Variants in ZNF469 observed in about 807,000 individuals in gnomAD.
ZNF469 encodes the protein zinc finger protein 469.
In ZNF469, 1 loss-of-function variant was observed where a neutral mutation model predicts 1.0. The ratio of observed to expected loss-of-function variants is 1.00; its 90% CI spans 0.35 to 4.73. The LOEUF (loss-of-function observed/expected upper bound fraction) is 4.73, where lower values mean the gene tolerates loss of function less well. ZNF469 is among the 30% of genes most tolerant of loss of function. The probability of loss-of-function intolerance (pLI) is 0.16; values close to 1 mark genes in which losing one functional copy is unlikely to be tolerated. For synonymous variants in ZNF469, 2,703 were observed against 2,363.4 expected, an observed-to-expected ratio of 1.14 and a Z score of -4.17; for missense variants, 6,100 against 5,356.3, an observed-to-expected ratio of 1.14 and a Z score of -4.33.
At chr16:88,353,260 G>A in the ZNF469 span, among the ~76,000 whole-genome samples, 43 of 152,078 alleles carry the variant, frequency 2.8e-4, 1 homozygote, top group Admixed American at 2.0e-3. Flanking sequence ...CCAATAATGC[G>A]GCTGGAGGGA....
chr16:88,435,924 C>G lies in ZNF469; in HGVS notation c.8454C>G (p.Leu2818=), dbSNP rs1312766848. 5.8e-6 allele frequency: 9 copies of G among 1,549,972 alleles called. No homozygotes were observed. The highest frequency in any genetic ancestry group is 2.0e-5 in the Admixed American group (1 of 50,994). The change falls in exon 3 of 3, where the codon CTC becomes CTG. Residue 2818 remains leucine (L), a synonymous_variant. Coordinates refer to ENST00000565624, the MANE Select transcript of ZNF469 (RefSeq NM_001367624.2). ...CGGACAGCACCACCAGCAGCTGCCT[C>G]CAGGGCCTCCCGGACAACCCAGACA... ...SPADSTTSSC[L]QGLPDNPDTQ...
upstream of ZNF469, among the ~76,000 whole-genome samples, chr16:88,382,002 G>A (rs1252457878): frequency 1.3e-5 from 2 of 152,244 alleles, no homozygotes; most frequent in East Asian, 1.9e-4. Flanking sequence ...ACCTGCTCCC[G>A]GGGGACCTTT....
chr16:88,263,400 G>C, the ZNF469 span, among the ~76,000 whole-genome samples: 1 of 152,214 alleles, frequency 6.6e-6, no homozygotes, highest in Admixed American at 6.5e-5. Context: ...CCCGCTCCCT[G>C]TGTCTGCCCA....
chr16:88,215,637 A>G, the ZNF469 span, among the ~76,000 whole-genome samples: 1 of 151,294 alleles, frequency 6.6e-6, no homozygotes, highest in Non-Finnish European at 1.5e-5. Flanking sequence ...TGATCTGCCC[A>G]CCTCGGCCTC....
At chr16:88,252,584 T>C in the ZNF469 span, among the ~76,000 whole-genome samples, 87 of 152,256 alleles carry the variant, frequency 5.7e-4, no homozygotes, top group African/African-American at 2.1e-3. Flanking sequence ...GCGGGAAGGT[T>C]CACATAACCA....
chr16:88,111,784 C>A, the ZNF469 span, among the ~76,000 whole-genome samples: 1 of 152,062 alleles, frequency 6.6e-6, no homozygotes, highest in Non-Finnish European at 1.5e-5. Flanking sequence ...CTACAGGTGC[C>A]CACCATCACA....
At chr16:88,395,470 G>T (rs1216130477) in intron 1 of ZNF469, among the ~76,000 whole-genome samples, 4 of 152,012 alleles carry the variant, frequency 2.6e-5, no homozygotes, top group Non-Finnish European at 5.9e-5. Context: ...TACACGTATT[G>T]TATAAATAAT....
intron 1 of ZNF469, among the ~76,000 whole-genome samples, chr16:88,405,283 G>A (rs1435134838): frequency 7.1e-6 from 1 of 140,458 alleles, no homozygotes; most frequent in Admixed American, 6.8e-5. Flanking sequence ...GCTGGCACAC[G>A]GGTAGCCCCT....
chr16:88,164,981 G>GCC, the ZNF469 span, among the ~76,000 whole-genome samples: 1 of 152,354 alleles, frequency 6.6e-6, no homozygotes, highest in East Asian at 1.9e-4. Flanking sequence ...GGAAGGCAGG[G>GCC]CCATCGTGGG....
the ZNF469 span, among the ~76,000 whole-genome samples, chr16:88,291,325 T>G: frequency 0.57 from 87,348 of 151,984 alleles, 26,130 homozygotes; most frequent in East Asian, 0.78. Context: ...CTACACACAC[T>G]TGTTTGATGC....
At chr16:88,325,346 T>C in the ZNF469 span, among the ~76,000 whole-genome samples, 1 of 152,166 alleles carries the variant, frequency 6.6e-6, no homozygotes, top group East Asian at 1.9e-4. Context: ...GACTGCACAA[T>C]TGGTGGCCAG....
the ZNF469 span, among the ~76,000 whole-genome samples, chr16:88,301,822 C>T: frequency 6.6e-6 from 1 of 152,076 alleles, no homozygotes; most frequent in African/African-American, 2.4e-5. Context: ...CCTGAGCCCC[C>T]TCCTCAGATC....
At chr16:88,277,028 G>C in the ZNF469 span, among the ~76,000 whole-genome samples, 1 of 152,050 alleles carries the variant, frequency 6.6e-6, no homozygotes, top group African/African-American at 2.4e-5. Context: ...CTGACGCTTG[G>C]TCAGTACCAT....
chr16:88,330,261 G>T, the ZNF469 span, among the ~76,000 whole-genome samples: 1 of 152,242 alleles, frequency 6.6e-6, no homozygotes, highest in African/African-American at 2.4e-5. Flanking sequence ...TGTTGTGTGG[G>T]TGTCCTGCAT....
the ZNF469 span, among the ~76,000 whole-genome samples, chr16:88,148,052 C>T: frequency 2.6e-5 from 4 of 151,774 alleles, no homozygotes; most frequent in East Asian, 1.9e-4. Context: ...CCTGTCTTTG[C>T]ACCCCGCTCT....
chr16:88,366,407 CCAA>C, the ZNF469 span, among the ~76,000 whole-genome samples: 1 of 149,754 alleles, frequency 6.7e-6, no homozygotes, highest in Non-Finnish European at 1.5e-5. Flanking sequence ...ATCACCTTCA[CCAA>C]CACCACCATC....
In ZNF469 at chr16:88,439,170, C is replaced by T. The variant is rs1906828410; in HGVS notation, c.11700C>T (p.Pro3900=). Residue 3900 remains proline, a synonymous_variant, in exon 3 of 3, where the codon CCC becomes CCT. Transcript: ENST00000565624. The stretch of plus-strand genomic sequence containing the variant: ...GCAAGGCCTTCCCCCAGGGGAGACC[C>T]CTGCTCAGGCCCCCCAAGAGGGGCA... ...RLGKAFPQGR[P]LLRPPKRGTA... is the part of the protein sequence containing the mutation. 4 of 1,550,522 alleles carry T rather than the reference C, an allele frequency of 2.6e-6. No homozygotes were observed. Among genetic ancestry groups the T allele is most frequent in the Non-Finnish European group, 3.5e-6 (4 of 1,146,972 alleles).
chr16:88,287,936 T>C, the ZNF469 span, among the ~76,000 whole-genome samples: 1 of 152,202 alleles, frequency 6.6e-6, no homozygotes, highest in Non-Finnish European at 1.5e-5. Flanking sequence ...TTTTTGTCGG[T>C]TGGTTGTGAT....
intron 1 of ZNF469, among the ~76,000 whole-genome samples, chr16:88,419,367 C>T (rs1905390110): frequency 6.6e-6 from 1 of 152,270 alleles, no homozygotes; most frequent in Admixed American, 6.5e-5. Context: ...CCAAACAGAC[C>T]GGGAGAGCTC....
Sources: gnomAD v4.1 joint callset for allele counts (sites outside exome capture counted in the v4.1 genomes callset) on GRCh38, gnomAD v4.1.1 for gene constraint, MANE v1.5 for transcripts, NCBI Gene and HGNC (gene_info 2026-07-23, HGNC 2026-07-21) for gene names.